Variants in CSMD3 observed in about 807,000 individuals in gnomAD.
CSMD3 encodes the protein CUB and sushi domain-containing protein 3.
A neutral mutation model predicts 435.2 loss-of-function variants in CSMD3; 177 were observed. The ratio of observed to expected loss-of-function variants is 0.41; its 90% CI spans 0.36 to 0.46. The LOEUF is 0.46. CSMD3 is among the 20% of genes least tolerant of loss of function. CSMD3 has a pLI of 0.34. For missense variants in CSMD3, 4,265 were observed against 4,504.6 expected, an observed-to-expected ratio of 0.95 and a Z score of 1.52; for synonymous variants, 1,656 against 1,520.5, an observed-to-expected ratio of 1.09 and a Z score of -2.07.
chr8:112,659,972 C>G (rs1720353784), intron 17 of CSMD3, among the ~76,000 whole-genome samples: 2 of 152,012 alleles, frequency 1.3e-5, no homozygotes, highest in Admixed American at 1.3e-4. Context: ...AGCTATGCCA[C>G]CATGTTAAAT....
chr8:112,328,060 G>C (rs1413025590), intron 45 of CSMD3, among the ~76,000 whole-genome samples: 2 of 152,122 alleles, frequency 1.3e-5, no homozygotes, highest in South Asian at 4.1e-4. Context: ...TTTCTGCCAA[G>C]TAAGGACACA....
intron 3 of CSMD3, among the ~76,000 whole-genome samples, chr8:113,182,379 T>C (rs1478048121): frequency 6.6e-6 from 1 of 151,928 alleles, no homozygotes; most frequent in African/African-American, 2.4e-5. Context: ...AATAAGTTGC[T>C]TTTAATACGT....
intron 1 of CSMD3, among the ~76,000 whole-genome samples, chr8:113,328,730 C>CTTTTTTTTT (rs1433804259): frequency 9.4e-5 from 6 of 64,022 alleles, no homozygotes; most frequent in African/African-American, 3.1e-4. Context: ...TTCCTTCCTT[C>CTTTTTTTTT]TTTTCTTTTT....
At chr8:112,544,161 C>G (rs1196888887) in intron 27 of CSMD3, among the ~76,000 whole-genome samples, 1 of 151,952 alleles carries the variant, frequency 6.6e-6, no homozygotes, top group Non-Finnish European at 1.5e-5. Flanking sequence ...AGTGTTGTAC[C>G]TATAACCAAA....
chr8:113,154,319 G>C (rs1340848033), intron 4 of CSMD3, among the ~76,000 whole-genome samples: 3 of 151,884 alleles, frequency 2.0e-5, no homozygotes, highest in South Asian at 2.1e-4. Context: ...TCAATGTTTT[G>C]GTCACTGAAA....
chr8:113,212,259 A>G (rs541715425), intron 3 of CSMD3, among the ~76,000 whole-genome samples: 2 of 152,288 alleles, frequency 1.3e-5, no homozygotes, highest in Admixed American at 6.5e-5. Flanking sequence ...AGTGAATATA[A>G]TAAAATCTGC....
intron 61 of CSMD3, among the ~76,000 whole-genome samples, chr8:112,263,166 CA>C (rs1816598377): frequency 1.4e-5 from 2 of 139,578 alleles, no homozygotes; most frequent in Non-Finnish European, 3.1e-5. Flanking sequence ...GCAAAACAAA[CA>C]AACAAGAAAC....
At chr8:112,298,426 T>C (rs1432231657) in intron 53 of CSMD3, among the ~76,000 whole-genome samples, 1 of 152,060 alleles carries the variant, frequency 6.6e-6, no homozygotes, top group Non-Finnish European at 1.5e-5. Context: ...ATTGGAGATA[T>C]AAAAGTTAAA....
chr8:112,693,818 T>G (rs1009474232), intron 13 of CSMD3, among the ~76,000 whole-genome samples: 1 of 151,944 alleles, frequency 6.6e-6, no homozygotes, highest in African/African-American at 2.4e-5. Context: ...TTGCGCAAAC[T>G]TTCAACTTCT....
At chr8:112,578,459 C>A (rs1303965133) in intron 23 of CSMD3, among the ~76,000 whole-genome samples, 2 of 151,748 alleles carry the variant, frequency 1.3e-5, no homozygotes, top group Non-Finnish European at 2.9e-5. Flanking sequence ...ACATAGCAGT[C>A]TCTACAAATT....
At chr8:112,343,948 T>A (rs532247102) in intron 41 of CSMD3, among the ~76,000 whole-genome samples, 1 of 152,230 alleles carries the variant, frequency 6.6e-6, no homozygotes, top group Non-Finnish European at 1.5e-5. Context: ...AGTGGCAAGA[T>A]CTCCGCTCAC....
At chr8:112,312,484 G>A (rs1202459413) in intron 49 of CSMD3, among the ~76,000 whole-genome samples, 5 of 152,192 alleles carry the variant, frequency 3.3e-5, no homozygotes, top group Admixed American at 3.3e-4. Context: ...TCGAACTCCT[G>A]ACCTCAGGCA....
At chr8:112,547,069 A>G (rs915905005) in intron 27 of CSMD3, among the ~76,000 whole-genome samples, 3 of 152,188 alleles carry the variant, frequency 2.0e-5, no homozygotes, top group Non-Finnish European at 2.9e-5. Context: ...AGAAGAATGG[A>G]ATTAAATTGT....
intron 7 of CSMD3, among the ~76,000 whole-genome samples, chr8:112,965,731 G>A (rs560097301): frequency 2.0e-5 from 3 of 151,884 alleles, no homozygotes; most frequent in Non-Finnish European, 2.9e-5. Context: ...GCATAAACCC[G>A]TTAACAAGTA....
intron 4 of CSMD3, among the ~76,000 whole-genome samples, chr8:113,169,680 G>T (rs2092231417): frequency 6.6e-6 from 1 of 151,928 alleles, no homozygotes; most frequent in African/African-American, 2.4e-5. Context: ...AGTTTTTCCT[G>T]GGGTATGTGT....
intron 3 of CSMD3, among the ~76,000 whole-genome samples, chr8:113,245,683 T>A (rs1458780842): frequency 6.6e-6 from 1 of 152,084 alleles, no homozygotes; most frequent in Non-Finnish European, 1.5e-5. Flanking sequence ...CATTTATTTA[T>A]ACTGTATTTT....
In CSMD3 at chr8:112,395,405, A is replaced by G. The variant is rs554691055; in HGVS notation, c.5810-4617T>C. On this transcript the variant is annotated intron_variant, in intron 35 of 70. Coordinates refer to ENST00000297405, the MANE Select transcript of CSMD3 (RefSeq NM_198123.2). ...GTATTTAATAACTTTTTCATGGATG[A>G]ATGGATAGATGAATAAATGGATAAA... Among the ~76,000 whole-genome samples, 183 of 152,312 alleles carry G rather than the reference A, an allele frequency of 1.2e-3. 2 individuals carry two copies. The highest frequency in any genetic ancestry group is 5.6e-3 in the South Asian group (27 of 4,828).
intron 1 of CSMD3, among the ~76,000 whole-genome samples, chr8:113,365,978 C>T (rs763368023): frequency 1.3e-5 from 2 of 151,980 alleles, no homozygotes; most frequent in East Asian, 1.9e-4. Context: ...TTAATCAATA[C>T]ATTTAAAAAT....
At chr8:113,162,397 C>T (rs1038431123) in intron 4 of CSMD3, among the ~76,000 whole-genome samples, 4 of 151,690 alleles carry the variant, frequency 2.6e-5, no homozygotes, top group Middle Eastern at 6.8e-3. Flanking sequence ...GAAACCCTGT[C>T]GCTACTAAAT....
Sources: gnomAD v4.1 joint callset for allele counts (sites outside exome capture counted in the v4.1 genomes callset) on GRCh38, gnomAD v4.1.1 for gene constraint, MANE v1.5 for transcripts, NCBI Gene and HGNC (gene_info 2026-07-23, HGNC 2026-07-21) for gene names.